Variants in SLC5A12 observed in about 807,000 individuals in gnomAD.
SLC5A12 encodes solute carrier family 5 member 12.
Under a neutral mutation model 72.7 loss-of-function variants are expected in SLC5A12, and 46 were observed. The observed-to-expected ratio is 0.63, with a 90% CI of 0.50 to 0.81. The LOEUF is 0.81. SLC5A12 is among the 30% of genes least tolerant of loss of function. The probability of loss-of-function intolerance (pLI) is 0.00; values close to 1 mark genes in which losing one functional copy is unlikely to be tolerated. For missense variants in SLC5A12, 683 were observed against 740.7 expected (o/e 0.92, Z 0.90); for synonymous variants, 275 against 264.4 (o/e 1.04, Z -0.39).
chr11:26,681,294 T>G, intron 11 of SLC5A12, 73 bp from the exon 12 acceptor site: 136 of 951,348 alleles, frequency 1.4e-4, no homozygotes, highest in Non-Finnish European at 1.8e-4. Flanking sequence ...AGATGAGGAG[T>G]TCTATGCCTT....
intron 4 of SLC5A12, among the ~76,000 whole-genome samples, chr11:26,708,019 C>A (rs936753081): frequency 1.3e-5 from 2 of 152,040 alleles, no homozygotes; most frequent in Non-Finnish European, 2.9e-5. Flanking sequence ...AATTTCAATA[C>A]CTTAATAGTA....
At chr11:26,682,985 A>G (rs1033111281) in intron 11 of SLC5A12, among the ~76,000 whole-genome samples, 3 of 152,160 alleles carry the variant, frequency 2.0e-5, no homozygotes, top group African/African-American at 7.2e-5. Context: ...AATCAAGTAT[A>G]CTATCTGACA....
Position 26,703,521 on chromosome 11 carries a change from G to A in SLC5A12, c.821+10C>T, listed in dbSNP as rs1295592912. ...TAAAACATTAAAATTTTTCTTGACT[G>A]AGAACTTACAGCTTAGCATGCTTTT... On this transcript the variant is annotated intron_variant, in intron 6 of 14. Transcript: ENST00000396005. 1.9e-6 allele frequency: 3 copies of A among 1,612,418 alleles called. No homozygotes were observed. The highest frequency in any genetic ancestry group is 2.2e-5 in the South Asian group (2 of 91,040).
At chr11:26,721,081 T>C (rs1855468521) in intron 1 of SLC5A12, among the ~76,000 whole-genome samples, 1 of 152,170 alleles carries the variant, frequency 6.6e-6, no homozygotes, top group African/African-American at 2.4e-5. Flanking sequence ...AAAAATAACA[T>C]CAGCCCTCTT....
intron 2 of SLC5A12, among the ~76,000 whole-genome samples, chr11:26,711,686 C>A (rs1855232599): frequency 6.6e-6 from 1 of 152,068 alleles, no homozygotes; most frequent in African/African-American, 2.4e-5. Context: ...TTTCCTGATG[C>A]ACGCGTCACA....
intron 4 of SLC5A12, among the ~76,000 whole-genome samples, chr11:26,704,294 A>C (rs1855034821): frequency 6.6e-6 from 1 of 152,176 alleles, no homozygotes; most frequent in Non-Finnish European, 1.5e-5. Context: ...AATGATGTTC[A>C]AGCTAATTTC....
chr11:26,687,945 A>G (rs1280353231), intron 9 of SLC5A12, among the ~76,000 whole-genome samples: 3 of 152,192 alleles, frequency 2.0e-5, no homozygotes, highest in Non-Finnish European at 4.4e-5. Context: ...GAAAAAGGAG[A>G]GCCCTATAAG....
At position 26,686,511 on chromosome 11, in the gene SLC5A12, G is replaced by A. The variant is rs370756969; in HGVS notation, c.1187C>T (p.Ala396Val). The A allele has an allele frequency of 5.1e-5, 82 of 1,613,850 alleles. No individual in the cohort carries two copies. The highest frequency in any genetic ancestry group is 6.7e-5 in the Non-Finnish European group (79 of 1,179,940). The change falls in exon 10 of 15, where the codon GCT (alanine) becomes GTT (valine). Residue 396 changes from alanine (A) to valine (V), a missense_variant. Ala to Val is a moderately conservative substitution (Grantham distance 64, BLOSUM62 0). Coordinates refer to ENST00000396005, the MANE Select transcript of SLC5A12 (RefSeq NM_178498.4). Reference protein sequence around the residue: ...LLFGVMCTSMAVAASVMGGVV... With the variant: ...LLFGVMCTSMVVAASVMGGVV... ...ACCTCCCATGACAGATGCAGCCACA[G>A]CCATAGAGGTACACATCACGCCAAA...
Position 26,698,510 on chromosome 11 carries a change from G to A in SLC5A12, c.847C>T (p.Leu283Phe). The part of the protein sequence containing the change: ...KLALYFNLLG[L>F]WIILVCAVFS... ...ACAGCACACACCAGAATGATCCAGA[G>A]ACCCAGCAAGTTAAAATACAAGGCA... is the stretch of plus-strand genomic sequence containing the variant. The change falls in exon 7 of 15, where the codon CTC becomes TTC. Residue 283 changes from leucine to phenylalanine, a missense_variant. Leu to Phe is a conservative substitution (Grantham distance 22). Coordinates refer to ENST00000396005, the MANE Select transcript of SLC5A12 (RefSeq NM_178498.4). 1 of 1,613,990 alleles carries A rather than the reference G, an allele frequency of 6.2e-7. No homozygotes were observed. The highest frequency in any genetic ancestry group is 8.5e-7 in the Non-Finnish European group (1 of 1,179,950).
intron 14 of SLC5A12, among the ~76,000 whole-genome samples, chr11:26,672,408 T>A (rs895393960): frequency 2.6e-5 from 4 of 152,124 alleles, no homozygotes; most frequent in Non-Finnish European, 4.4e-5. Flanking sequence ...AAAATACTCC[T>A]GCCCTTAATC....
Position 26,667,303 on chromosome 11 carries a change from ACTC to A in SLC5A12, c.*3796_*3798del, listed in dbSNP as rs749646163. On this transcript the variant is annotated 3_prime_UTR_variant, in exon 15 of 15. Coordinates refer to ENST00000396005, the MANE Select transcript of SLC5A12 (RefSeq NM_178498.4). ...TTTCAAAGGGAACAATTAAGGGGAG[ACTC>A]CTCTATTTTTTCCGTATCTGATCTT... The A allele has an allele frequency of 2.6e-5, 4 of 151,576 alleles. No individual in the cohort carries two copies. The highest frequency in any genetic ancestry group is 5.9e-5 in the Non-Finnish European group (4 of 67,778). The allele number at this position is 151,576 out of a possible 1,614,324, so 9.4% of individuals were successfully genotyped here.
intron 2 of SLC5A12, among the ~76,000 whole-genome samples, chr11:26,712,187 C>T (rs1855245558): frequency 6.6e-6 from 1 of 151,860 alleles, no homozygotes; most frequent in Non-Finnish European, 1.5e-5. Flanking sequence ...GAAAGGAGTT[C>T]ATAAGAAAGA....
At chr11:26,672,603 A>G (rs779624355) in intron 14 of SLC5A12, among the ~76,000 whole-genome samples, 14 of 151,984 alleles carry the variant, frequency 9.2e-5, no homozygotes, top group Admixed American at 2.0e-4. Flanking sequence ...AACCTTACAA[A>G]AGACATGTTC....
chr11:26,722,617 T>C (rs1855503035), upstream of SLC5A12, among the ~76,000 whole-genome samples: 1 of 152,192 alleles, frequency 6.6e-6, no homozygotes, highest in African/African-American at 2.4e-5. Context: ...TTTATAGCCT[T>C]CAACTTTATC....
In SLC5A12 at chr11:26,671,138, G is replaced by C; in HGVS notation, c.1821C>G (p.Ser607Arg). 1 of 1,612,462 alleles carries C rather than the reference G, an allele frequency of 6.2e-7. No homozygotes were observed. The change falls in exon 15 of 15, where the codon AGC becomes AGG. Residue 607 changes from serine to arginine, a missense_variant. By Grantham distance (110) the Ser-to-Arg change is moderately radical (BLOSUM62 -1). Coordinates refer to ENST00000396005, the MANE Select transcript of SLC5A12 (RefSeq NM_178498.4). The stretch of plus-strand genomic sequence containing the variant: ...TAGTCTCAAATGCCATATTGTTGTA[G>C]CTTTTGTCCTTAGGATCATAGCCTG... ...HVPGYDPKDK[S>R]YNNMAFETTH... is the part of the protein sequence containing the mutation.
intron 13 of SLC5A12, 41 bp from the exon 14 acceptor site, chr11:26,673,570 T>A: frequency 6.6e-7 from 1 of 1,524,886 alleles, no homozygotes; most frequent in Non-Finnish European, 8.8e-7. Flanking sequence ...GTTGCAGGCC[T>A]CCATGTCTTC....
rs1554988602 is a variant in SLC5A12 at position 26,669,187 on chromosome 11, T to TTTTCTTTTTTTCTTTCTTTCTTTC, written c.*1914_*1915insGAAAGAAAGAAAGAAAAAAAGAAA. 4.5e-5 allele frequency: 5 copies of TTTTCTTTTTTTCTTTCTTTCTTTC among 110,942 alleles called. No individual in the cohort carries two copies. Among genetic ancestry groups the TTTTCTTTTTTTCTTTCTTTCTTTC allele is most frequent in the Non-Finnish European group, 2.0e-5 (1 of 50,896 alleles). 6.9% of individuals were successfully genotyped at this position (110,942 alleles called of 1,614,324 possible). On this transcript the variant is annotated 3_prime_UTR_variant, in exon 15 of 15. Coordinates refer to ENST00000396005, the MANE Select transcript of SLC5A12 (RefSeq NM_178498.4). ...TGTCTTTTTCTTTCTTTCTTTCTTC[T>TTTTCTTTTTTTCTTTCTTTCTTTC]TTTCTTTCTTTCTTTCTTTCTTTCT...
Position 26,670,107 on chromosome 11 carries a change from T to C in SLC5A12, c.*995A>G, listed in dbSNP as rs2133124104. On this transcript the variant is annotated 3_prime_UTR_variant, in exon 15 of 15. Coordinates refer to ENST00000396005, the MANE Select transcript of SLC5A12 (RefSeq NM_178498.4). ...CACGAACTATGAAGTTCTCCACTTC[T>C]GTTACCTAACCCAGGTGGAGTGAGT... The C allele has an allele frequency of 6.6e-6, 1 of 152,258 alleles. No individual in the cohort carries two copies. The allele number at this position is 152,258 out of a possible 1,614,324, so 9.4% of individuals were successfully genotyped here. A position where few individuals can be genotyped will look rare whatever the true frequency, so the allele number is the denominator to read the frequency against.
At chr11:26,695,408 T>C (rs1421558131) in intron 8 of SLC5A12, among the ~76,000 whole-genome samples, 1 of 152,156 alleles carries the variant, frequency 6.6e-6, no homozygotes, top group African/African-American at 2.4e-5. Context: ...TAATTTCTTA[T>C]ATGTATAGTC....
Sources: gnomAD v4.1 joint callset for allele counts (sites outside exome capture counted in the v4.1 genomes callset) on GRCh38, gnomAD v4.1.1 for gene constraint, MANE v1.5 for transcripts, NCBI Gene and HGNC (gene_info 2026-07-23, HGNC 2026-07-21) for gene names.